The following ATF3 variants were observed in gnomAD, a reference collection of about 807,000 sequenced individuals.
The protein encoded by ATF3 is cyclic AMP-dependent transcription factor ATF-3.
Under a neutral mutation model 18.4 loss-of-function variants are expected in ATF3, and 10 were observed. The ratio of observed to expected loss-of-function variants is 0.54; its 90% CI spans 0.34 to 0.92. The LOEUF is 0.92. Ranked by LOEUF, ATF3 falls within the 40% of genes least tolerant of loss-of-function variation. The probability of loss-of-function intolerance (pLI) is 0.02; values close to 1 mark genes in which losing one functional copy is unlikely to be tolerated. For synonymous variants in ATF3, 78 were observed against 87.9 expected, an observed-to-expected ratio of 0.89 and a Z score of 0.63; for missense variants, 183 against 222.3, an observed-to-expected ratio of 0.82 and a Z score of 1.12.
At chr1:212,610,304 T>G (rs1260468742) in intron 1 of ATF3, among the ~76,000 whole-genome samples, 2 of 152,248 alleles carry the variant, frequency 1.3e-5, no homozygotes, top group Non-Finnish European at 2.9e-5. Context: ...CTGGATGTTC[T>G]CTCAGTGTAC....
rs1181326813 is a variant in ATF3 at position 212,576,716 on chromosome 1, CTTTTCTTT to C, written c.-5+11238_-5+11245del. On this transcript the variant is annotated intron_variant, in intron 1 of 3. Coordinates refer to the ATF3 transcript ENST00000366981. Reference sequence around the variant, plus strand: ...TTATTAAAAAATATTCTTTTCTTTTCTTTTCTTTTTTTTTTTTTTTTTTTTTTTTGAGG... The same window carrying C: ...TTATTAAAAAATATTCTTTTCTTTTCTTTTTTTTTTTTTTTTTTTTTGAGG... Among the ~76,000 whole-genome samples the C allele has an allele frequency of 4.2e-3, 328 of 78,136 alleles. 1 individual carries two copies. The highest frequency in any genetic ancestry group is 0.014 in the African/African-American group (281 of 19,418). 51.3% of individuals were successfully genotyped at this position (78,136 alleles called of 152,430 possible). A position where few individuals can be genotyped will look rare whatever the true frequency, so the allele number is the denominator to read the frequency against.
At chr1:212,578,412 A>G (rs561061555) in intron 1 of ATF3, among the ~76,000 whole-genome samples, 1 of 152,232 alleles carries the variant, frequency 6.6e-6, no homozygotes, top group Non-Finnish European at 1.5e-5. Flanking sequence ...AGTGTACAAT[A>G]TGATCAATCA....
intron 1 of ATF3, among the ~76,000 whole-genome samples, chr1:212,575,578 T>C (rs1664564006): frequency 6.6e-6 from 1 of 152,150 alleles, no homozygotes; most frequent in Non-Finnish European, 1.5e-5. Flanking sequence ...ACTTATAGCC[T>C]TCTGTAATTT....
At position 212,599,084 on chromosome 1, in the gene ATF3, G is replaced by A. The variant is rs1336701717; in HGVS notation, c.-4-15934G>A. ...ACTAATTTACATTCTCACCAACAGT[G>A]TACGAGGGTTAACTTTTCTGCACAT... On this transcript the variant is annotated intron_variant, in intron 1 of 3. Transcript: ENST00000366981. Among the ~76,000 whole-genome samples the A allele has an allele frequency of 2.0e-5, 3 of 152,202 alleles. No homozygotes were observed. The East Asian group carries it at 5.8e-4, about 29-fold the overall frequency.
intron 2 of ATF3, among the ~76,000 whole-genome samples, chr1:212,617,138 G>C (rs1204581504): frequency 6.6e-6 from 1 of 152,178 alleles, no homozygotes; most frequent in African/African-American, 2.4e-5. Flanking sequence ...GGTGGTCCCT[G>C]TTTTTATCAC....
chr1:212,602,896 C>T (rs879684360), intron 1 of ATF3, among the ~76,000 whole-genome samples: 7 of 152,196 alleles, frequency 4.6e-5, no homozygotes, highest in Non-Finnish European at 1.0e-4. Context: ...GCATGACTTA[C>T]ATTCAAATTC....
At chr1:212,573,146 A>C (rs1430252999) in intron 1 of ATF3, among the ~76,000 whole-genome samples, 1 of 152,122 alleles carries the variant, frequency 6.6e-6, no homozygotes, top group African/African-American at 2.4e-5. Context: ...TAGAACTTTC[A>C]GGTCAAAATT....
intron 1 of ATF3, among the ~76,000 whole-genome samples, chr1:212,590,247 CTT>C (rs61625338): frequency 1.4e-5 from 2 of 140,024 alleles, no homozygotes; most frequent in African/African-American, 2.6e-5. Flanking sequence ...TAAGTTTAAG[CTT>C]TTTTTTTTTT....
intron 1 of ATF3, among the ~76,000 whole-genome samples, chr1:212,595,355 C>G (rs1404828463): frequency 6.6e-6 from 1 of 152,210 alleles, no homozygotes; most frequent in Non-Finnish European, 1.5e-5. Context: ...CTCCAGTTGC[C>G]CATGGCAACC....
upstream of ATF3, among the ~76,000 whole-genome samples, chr1:212,607,125 G>A (rs1292417661): frequency 6.6e-6 from 1 of 152,238 alleles, no homozygotes; most frequent in African/African-American, 2.4e-5. Context: ...TCCCAGGCCC[G>A]TGGAGAGGTG....
chr1:212,617,579 G>A (rs1022637379), intron 2 of ATF3, among the ~76,000 whole-genome samples: 1 of 152,184 alleles, frequency 6.6e-6, no homozygotes, highest in Admixed American at 6.5e-5. Flanking sequence ...ATGGGCTTAG[G>A]TGCCTTTTCT....
intron 1 of ATF3, among the ~76,000 whole-genome samples, chr1:212,571,873 G>C (rs929212171): frequency 6.6e-6 from 1 of 151,452 alleles, no homozygotes; most frequent in African/African-American, 2.4e-5. Context: ...CACCAGGCCC[G>C]GCTAATTTTT....
chr1:212,608,871 CCAGA>C lies in ATF3; in HGVS notation c.-61_-58del, dbSNP rs983061156. 1.4e-4 allele frequency: 21 copies of C among 152,904 alleles called. No individual in the cohort carries two copies. The highest frequency in any genetic ancestry group is 3.4e-3 in the Middle Eastern group (1 of 298). The allele number at this position is 152,904 out of a possible 1,614,324, so 9.5% of individuals were successfully genotyped here. On this transcript the variant is annotated 5_prime_UTR_variant, in exon 1 of 4. Coordinates refer to ENST00000341491, the MANE Select transcript of ATF3 (RefSeq NM_001674.4). ...TGAGTCCTCGGTGCTCGCCCGCCGGCCAGACAAACAGCCCGCCCGACCCCGTCCC... is the reference window on the plus strand; with the variant it reads ...TGAGTCCTCGGTGCTCGCCCGCCGGCCAAACAGCCCGCCCGACCCCGTCCC...
At chr1:212,587,664 C>A (rs369063975) in intron 1 of ATF3, among the ~76,000 whole-genome samples, 1 of 152,156 alleles carries the variant, frequency 6.6e-6, no homozygotes, top group African/African-American at 2.4e-5. Flanking sequence ...TAAAATCCAG[C>A]CTTTCAAATG....
chr1:212,609,583 T>C (rs1654805448), intron 1 of ATF3, among the ~76,000 whole-genome samples: 1 of 151,746 alleles, frequency 6.6e-6, no homozygotes, highest in Admixed American at 6.6e-5. Flanking sequence ...AGCTTGGAAG[T>C]GGCGAGCGCT....
chr1:212,605,445 G>C (rs1459525254), upstream of ATF3, among the ~76,000 whole-genome samples: 3 of 152,210 alleles, frequency 2.0e-5, no homozygotes, highest in Non-Finnish European at 2.9e-5. Flanking sequence ...AGTAGGTTGA[G>C]CCAGGCAGAC....
rs553154586 is a variant in ATF3, at chr1:212,620,016, G to C, written c.*461G>C. 5 of 208,366 alleles carry C rather than the reference G, an allele frequency of 2.4e-5. No individual in the cohort carries two copies. The South Asian group carries it at 3.4e-4, about 14-fold the overall frequency. The allele number at this position is 208,366 out of a possible 1,614,324, so 12.9% of individuals were successfully genotyped here. On this transcript the variant is annotated 3_prime_UTR_variant, in exon 4 of 4. Coordinates refer to ENST00000341491, the MANE Select transcript of ATF3 (RefSeq NM_001674.4). Reference sequence around the variant, plus strand: ...GTGAAGTTGTGCAACGGCCAGGGTTGTGCTTTCTAGCAAATATGCTGTTAT... The same window carrying C: ...GTGAAGTTGTGCAACGGCCAGGGTTCTGCTTTCTAGCAAATATGCTGTTAT...
chr1:212,608,329 C>A (rs1411868723), upstream of ATF3, among the ~76,000 whole-genome samples: 3 of 148,148 alleles, frequency 2.0e-5, no homozygotes, highest in African/African-American at 7.6e-5. Flanking sequence ...TCCCCACCTT[C>A]CCCGCCCCCC....
intron 1 of ATF3, among the ~76,000 whole-genome samples, chr1:212,595,417 C>T (rs1031411391): frequency 6.6e-6 from 1 of 152,228 alleles, no homozygotes; most frequent in Admixed American, 6.5e-5. Context: ...TAGTGAGCTG[C>T]CTCCAGCAGC....
Sources: allele counts gnomAD v4.1 joint callset (sites outside exome capture counted in the v4.1 genomes callset), GRCh38; gene constraint gnomAD v4.1.1; transcripts MANE v1.5; gene names NCBI Gene and HGNC (gene_info 2026-07-23, HGNC 2026-07-21).